The following PTPRD variants were observed in gnomAD, a reference collection of about 807,000 sequenced individuals.
PTPRD encodes receptor-type tyrosine-protein phosphatase delta.
PTPRD carries 34 observed loss-of-function variants against 214.5 expected under a neutral mutation model. The ratio of observed to expected loss-of-function variants is 0.16; its 90% CI spans 0.12 to 0.21. The LOEUF is 0.21. PTPRD is among the 10% of genes least tolerant of loss of function. PTPRD has a pLI of 1.00. For synonymous variants in PTPRD, 1,128 were observed against 845.7 expected, an observed-to-expected ratio of 1.33 and a Z score of -5.79; for missense variants, 2,545 against 2,398.7, an observed-to-expected ratio of 1.06 and a Z score of -1.27.
At chr9:10,337,013 A>T (rs545827045) in intron 3 of PTPRD, among the ~76,000 whole-genome samples, 1 of 151,694 alleles carries the variant, frequency 6.6e-6, no homozygotes, top group Non-Finnish European at 1.5e-5. Context: ...AGACAAGGTG[A>T]GTTAGTTTGC....
intron 3 of PTPRD, among the ~76,000 whole-genome samples, chr9:10,126,320 T>C (rs2098818793): frequency 6.6e-6 from 1 of 152,068 alleles, no homozygotes; most frequent in Non-Finnish European, 1.5e-5. Flanking sequence ...TAATATTCCA[T>C]AATATCATCA....
chr9:8,851,318 T>G (rs1327158912), intron 11 of PTPRD, among the ~76,000 whole-genome samples: 5 of 152,178 alleles, frequency 3.3e-5, no homozygotes. Context: ...ATTAATAAAA[T>G]TTAGACTTTA....
At chr9:8,726,887 C>G (rs544109392) in intron 12 of PTPRD, among the ~76,000 whole-genome samples, 1 of 150,866 alleles carries the variant, frequency 6.6e-6, no homozygotes, top group East Asian at 2.0e-4. Flanking sequence ...GAGAGGATGA[C>G]TTGAGCCCAG....
At position 9,619,008 on chromosome 9, in the gene PTPRD, A is replaced by C. The variant is rs566406055; in HGVS notation, c.-286-44227T>G. On this transcript the variant is annotated intron_variant, in intron 7 of 45. Transcript: ENST00000381196. ...GCAAAGCAAGAAGAATGTTTCTGAA[A>C]CGAGATGCCACAGAGAAAACAAGAA... Among the ~76,000 whole-genome samples the C allele has an allele frequency of 1.3e-3, 195 of 152,312 alleles. 5 individuals are homozygous for C. The South Asian group carries it at 0.027, about 21-fold the overall frequency.
At chr9:9,567,192 G>A (rs1023601625) in intron 8 of PTPRD, among the ~76,000 whole-genome samples, 1 of 151,944 alleles carries the variant, frequency 6.6e-6, no homozygotes, top group Non-Finnish European at 1.5e-5. Context: ...TACCTTTTCT[G>A]TCAGTCAAAG....
chr9:8,801,172 G>C (rs137962140), intron 11 of PTPRD, among the ~76,000 whole-genome samples: 5 of 152,240 alleles, frequency 3.3e-5, no homozygotes, highest in African/African-American at 9.6e-5. Flanking sequence ...ACCTTCCAAA[G>C]GGTCACAAAA....
intron 3 of PTPRD, among the ~76,000 whole-genome samples, chr9:10,117,597 G>A (rs770900137): frequency 6.3e-5 from 8 of 126,002 alleles, no homozygotes; most frequent in Admixed American, 8.9e-5. Context: ...TTCCCTGTAT[G>A]GATTAAATCT....
chr9:10,140,213 A>T (rs1271142503), intron 3 of PTPRD, among the ~76,000 whole-genome samples: 2 of 152,018 alleles, frequency 1.3e-5, no homozygotes, highest in African/African-American at 4.8e-5. Context: ...CAGAATCTAT[A>T]AGAAATGTAA....
At chr9:8,711,657 C>A (rs780692824) in intron 12 of PTPRD, among the ~76,000 whole-genome samples, 14 of 152,220 alleles carry the variant, frequency 9.2e-5, no homozygotes, top group South Asian at 2.1e-4. Context: ...TAGCCCAGAC[C>A]CCATCTACAG....
intron 2 of PTPRD, among the ~76,000 whole-genome samples, chr9:10,593,085 G>A (rs976516081): frequency 3.9e-5 from 6 of 152,024 alleles, no homozygotes; most frequent in Admixed American, 6.6e-5. Flanking sequence ...GAACCCACCA[G>A]AAGGAACCAA....
At chr9:8,812,086 TA>T (rs2096820445) in intron 11 of PTPRD, among the ~76,000 whole-genome samples, 1 of 152,208 alleles carries the variant, frequency 6.6e-6, no homozygotes, top group Non-Finnish European at 1.5e-5. Flanking sequence ...TGCATGTTCC[TA>T]TCCTACATAT....
intron 9 of PTPRD, among the ~76,000 whole-genome samples, chr9:9,354,614 G>A (rs1001800773): frequency 6.6e-6 from 1 of 151,748 alleles, no homozygotes; most frequent in Non-Finnish European, 1.5e-5. Context: ...TGCTATTGGA[G>A]AGCGATAGAT....
At chr9:10,202,636 A>G (rs1277831686) in intron 3 of PTPRD, among the ~76,000 whole-genome samples, 2 of 144,862 alleles carry the variant, frequency 1.4e-5, no homozygotes, top group African/African-American at 5.2e-5. Context: ...TTCAAATGCC[A>G]TAGCACCTGG....
In PTPRD at chr9:8,338,940, G is replaced by A. The variant is rs1335864090; in HGVS notation, c.5361C>T (p.Phe1787=). 6.8e-6 allele frequency: 11 copies of A among 1,610,160 alleles called. No homozygotes were observed. The highest frequency in any genetic ancestry group is 9.3e-6 in the Non-Finnish European group (11 of 1,177,496). ...YNMPQYILRE[F]KVTDARDGQS... is the part of the protein sequence containing the mutation. ...AACTTACCCTGGCATCTGTGACCTT[G>A]AATTCCCTTAGGATATACTGTGGCA... Residue 1787 remains phenylalanine (F), a synonymous_variant, in exon 43 of 46, where the codon TTC becomes TTT. Coordinates refer to ENST00000381196, the MANE Select transcript of PTPRD (RefSeq NM_002839.4).
Position 9,923,114 on chromosome 9 carries a change from T to G in PTPRD, c.-368+15393A>C, listed in dbSNP as rs576420922. Among the ~76,000 whole-genome samples the G allele has an allele frequency of 7.8e-4, 80 of 102,142 alleles. 2 individuals carry two copies. The highest frequency in any genetic ancestry group is 9.2e-4 in the Non-Finnish European group (53 of 57,800). 67.0% of individuals were successfully genotyped at this position (102,142 alleles called of 152,430 possible). ...GACTAAGGAAAAAAAAAGGACTGTGTGTGTGGGGGGTGTGTGTGTGTGTGT... is the reference window on the plus strand; with the variant it reads ...GACTAAGGAAAAAAAAAGGACTGTGGGTGTGGGGGGTGTGTGTGTGTGTGT... On this transcript the variant is annotated intron_variant, in intron 5 of 45. Transcript: ENST00000381196.
chr9:8,940,280 C>CCTTTTTTTTT (rs763715400), intron 11 of PTPRD, among the ~76,000 whole-genome samples: 1 of 89,050 alleles, frequency 1.1e-5, no homozygotes, highest in African/African-American at 4.4e-5. Flanking sequence ...TCTCTCTCTC[C>CCTTTTTTTTT]TTTTTTTTTT....
At chr9:9,404,236 T>C (rs1233853031) in intron 8 of PTPRD, among the ~76,000 whole-genome samples, 1 of 152,088 alleles carries the variant, frequency 6.6e-6, no homozygotes, top group Non-Finnish European at 1.5e-5. Context: ...AGTGACATTA[T>C]GGTTTTGTCT....
intron 7 of PTPRD, among the ~76,000 whole-genome samples, chr9:9,612,213 G>T (rs1015351888): frequency 6.6e-6 from 1 of 151,496 alleles, no homozygotes; most frequent in South Asian, 2.1e-4. Flanking sequence ...CTATCTGTAG[G>T]GGGAATAAAA....
At chr9:9,310,958 T>C (rs541958981) in intron 9 of PTPRD, among the ~76,000 whole-genome samples, 2 of 150,338 alleles carry the variant, frequency 1.3e-5, no homozygotes, top group Admixed American at 1.3e-4. Context: ...AATAAATAAA[T>C]AAATAACATT....
Sources: allele counts gnomAD v4.1 joint callset (sites outside exome capture counted in the v4.1 genomes callset), GRCh38; gene constraint gnomAD v4.1.1; transcripts MANE v1.5; gene names NCBI Gene and HGNC (gene_info 2026-07-23, HGNC 2026-07-21).